The following KCNJ6 variants were observed in gnomAD, a reference collection of about 807,000 sequenced individuals.
KCNJ6 encodes the protein potassium inwardly rectifying channel subfamily J member 6, also known as G protein-activated inward rectifier potassium channel 2.
In KCNJ6, 9 loss-of-function variants were observed where a neutral mutation model predicts 34.2. The observed-to-expected ratio is 0.26, with a 90% CI of 0.16 to 0.46. The LOEUF is 0.46. KCNJ6 is among the 20% of genes least tolerant of loss of function. The probability of loss-of-function intolerance (pLI) is 1.00; values close to 1 mark genes in which losing one functional copy is unlikely to be tolerated. For missense variants in KCNJ6, 236 were observed against 531.3 expected (o/e 0.44, Z 5.46); for synonymous variants, 196 against 207.1 (o/e 0.95, Z 0.46).
intron 2 of KCNJ6, among the ~76,000 whole-genome samples, chr21:37,723,387 G>A (rs570431541): frequency 1.7e-4 from 26 of 152,276 alleles, no homozygotes; most frequent in Middle Eastern, 6.8e-3. Context: ...AGAACTCAGA[G>A]CTGCCATTCA....
At chr21:37,701,907 G>A (rs541729913) in intron 3 of KCNJ6, among the ~76,000 whole-genome samples, 2 of 152,284 alleles carry the variant, frequency 1.3e-5, no homozygotes, top group South Asian at 4.1e-4. Context: ...TTTTAAGCAA[G>A]TGAGGTGATT....
At chr21:37,765,221 C>G (rs2055085087) in intron 2 of KCNJ6, among the ~76,000 whole-genome samples, 1 of 152,116 alleles carries the variant, frequency 6.6e-6, no homozygotes, top group Non-Finnish European at 1.5e-5. Context: ...TGACATGCCA[C>G]TGCACATCTC....
chr21:37,757,420 A>G (rs1180358847), intron 2 of KCNJ6, among the ~76,000 whole-genome samples: 13 of 119,072 alleles, frequency 1.1e-4, no homozygotes, highest in African/African-American at 3.0e-4. Context: ...ATTCCAGCCC[A>G]GAGTGAGCAC....
chr21:37,748,323 T>C (rs910846956), intron 2 of KCNJ6, among the ~76,000 whole-genome samples: 1 of 152,164 alleles, frequency 6.6e-6, no homozygotes, highest in African/African-American at 2.4e-5. Flanking sequence ...TAAAAGAATA[T>C]GTTAATTGCC....
intron 2 of KCNJ6, among the ~76,000 whole-genome samples, chr21:37,834,115 C>T (rs1400969624): frequency 6.6e-6 from 1 of 152,168 alleles, no homozygotes; most frequent in Admixed American, 6.5e-5. Context: ...TTCTTTCATC[C>T]GTGTATGCCC....
At chr21:37,644,977 G>T (rs1182258199) in intron 3 of KCNJ6, among the ~76,000 whole-genome samples, 1 of 149,978 alleles carries the variant, frequency 6.7e-6, no homozygotes, top group Non-Finnish European at 1.5e-5. Flanking sequence ...AGCAAGGGAA[G>T]AAGAAAGGAG....
At chr21:37,912,458 T>C (rs2055871478) in intron 1 of KCNJ6, among the ~76,000 whole-genome samples, 1 of 152,236 alleles carries the variant, frequency 6.6e-6, no homozygotes, top group African/African-American at 2.4e-5. Flanking sequence ...GAAATTGAAC[T>C]TTAGAACTCA....
intron 3 of KCNJ6, among the ~76,000 whole-genome samples, chr21:37,670,305 T>G (rs1429298610): frequency 6.6e-6 from 1 of 152,206 alleles, no homozygotes; most frequent in Non-Finnish European, 1.5e-5. Flanking sequence ...AGTGTGAATC[T>G]TCTAATTTTG....
intron 2 of KCNJ6, among the ~76,000 whole-genome samples, chr21:37,727,508 A>G (rs1318097183): frequency 6.6e-6 from 1 of 151,906 alleles, no homozygotes. Context: ...CACATGTGTC[A>G]TGGGTGTATA....
At chr21:37,740,498 A>C (rs914316873) in intron 2 of KCNJ6, among the ~76,000 whole-genome samples, 1 of 152,176 alleles carries the variant, frequency 6.6e-6, no homozygotes, top group Non-Finnish European at 1.5e-5. Flanking sequence ...AACTGGAACT[A>C]ACAACCCCCC....
At chr21:37,712,549 CCTCCCTCCTCCCCT>C (rs2054761253) in intron 3 of KCNJ6, among the ~76,000 whole-genome samples, 1 of 68,080 alleles carries the variant, frequency 1.5e-5, no homozygotes, top group African/African-American at 9.7e-5. Context: ...CCTCCTCCTC[CCTCCCTCCTCCCCT>C]TCTCCTCCTC....
intron 2 of KCNJ6, among the ~76,000 whole-genome samples, chr21:37,839,980 G>A (rs980671849): frequency 2.0e-5 from 3 of 152,032 alleles, no homozygotes; most frequent in African/African-American, 7.2e-5. Context: ...TGCATTTTTA[G>A]TAGAGACAGG....
intron 3 of KCNJ6, among the ~76,000 whole-genome samples, chr21:37,658,135 G>A (rs531473990): frequency 1.4e-5 from 2 of 147,864 alleles, no homozygotes; most frequent in South Asian, 2.2e-4. Flanking sequence ...CTGCAGTAAG[G>A]GCTCAATTAA....
Position 37,773,195 on chromosome 21 carries a change from C to T in KCNJ6, c.26-58064G>A, listed in dbSNP as rs1003319879. Among the ~76,000 whole-genome samples, 4 of 152,062 alleles carry T rather than the reference C, an allele frequency of 2.6e-5. No individual in the cohort carries two copies. In the East Asian group the frequency reaches 7.7e-4, roughly 29 times the overall value. ...CATGTTGCCTACCTAGATAGGTTGC[C>T]CACATGGGATGGCTGTGAAAGGCTG... is the stretch of plus-strand genomic sequence containing the variant. On this transcript the variant is annotated intron_variant, in intron 2 of 3. Coordinates refer to ENST00000609713, the MANE Select transcript of KCNJ6 (RefSeq NM_002240.5).
chr21:37,786,923 C>T (rs533384755), intron 2 of KCNJ6, among the ~76,000 whole-genome samples: 1 of 152,288 alleles, frequency 6.6e-6, no homozygotes, highest in Admixed American at 6.5e-5. Flanking sequence ...TTCTCTGTGT[C>T]TATATTCTAT....
At position 37,695,337 on chromosome 21, in the gene KCNJ6, C is replaced by T. The variant is rs537084468; in HGVS notation, c.946+18874G>A. Reference sequence around the variant, plus strand: ...GTGCTGTGACATGAAGAAATTTCCCCAGAGAGTTTGCAACAAGGCAGCTGG... The same window carrying T: ...GTGCTGTGACATGAAGAAATTTCCCTAGAGAGTTTGCAACAAGGCAGCTGG... On this transcript the variant is annotated intron_variant, in intron 3 of 3. Coordinates refer to ENST00000609713, the MANE Select transcript of KCNJ6 (RefSeq NM_002240.5). The surrounding 1 kb of genome is among the most constrained non-coding windows in gnomAD (Gnocchi z 4.2). Among the ~76,000 whole-genome samples, 5 of 152,324 alleles carry T rather than the reference C, an allele frequency of 3.3e-5. No homozygotes were observed. The South Asian group carries it at 8.3e-4, about 25-fold the overall frequency.
chr21:37,863,860 G>GTTTTTTTTT (rs56800970), intron 1 of KCNJ6, among the ~76,000 whole-genome samples: 1 of 81,096 alleles, frequency 1.2e-5, no homozygotes, highest in East Asian at 4.8e-4. Context: ...TTTTTTTTTT[G>GTTTTTTTTT]TTTTTTTTTT....
chr21:37,754,944 T>C (rs531586220), intron 2 of KCNJ6, among the ~76,000 whole-genome samples: 2 of 152,324 alleles, frequency 1.3e-5, no homozygotes, highest in Admixed American at 1.3e-4. Flanking sequence ...GAGGTATTGC[T>C]GGGCTTCTGG....
At chr21:37,901,915 G>A (rs1318283654) in intron 1 of KCNJ6, among the ~76,000 whole-genome samples, 1 of 152,136 alleles carries the variant, frequency 6.6e-6, no homozygotes, top group Non-Finnish European at 1.5e-5. Context: ...CTTAGAAGCA[G>A]GGGACAGGAA....
Sources: allele counts gnomAD v4.1 joint callset (sites outside exome capture counted in the v4.1 genomes callset), GRCh38; gene constraint gnomAD v4.1.1; non-coding constraint Gnocchi (gnomAD v3.1); transcripts MANE v1.5; gene names NCBI Gene and HGNC (gene_info 2026-07-23, HGNC 2026-07-21).